SH3RF1: variants seen among roughly 807,000 people sequenced by gnomAD.
SH3RF1 encodes the protein SH3 domain containing ring finger 1.
A neutral mutation model predicts 74.0 loss-of-function variants in SH3RF1; 32 were observed. That is an observed-to-expected ratio of 0.43 (90% CI 0.33 to 0.58). The LOEUF (loss-of-function observed/expected upper bound fraction) is 0.58, where lower values mean the gene tolerates loss of function less well. SH3RF1 is among the 20% of genes least tolerant of loss of function. The probability of loss-of-function intolerance (pLI) is 0.05; values close to 1 mark genes in which losing one functional copy is unlikely to be tolerated. For missense variants in SH3RF1, 954 were observed against 1,130.9 expected, an observed-to-expected ratio of 0.84 and a Z score of 2.24; for synonymous variants, 396 against 439.6, an observed-to-expected ratio of 0.90 and a Z score of 1.24.
intron 2 of SH3RF1, among the ~76,000 whole-genome samples, chr4:169,157,854 C>T (rs1734084439): frequency 1.3e-5 from 2 of 151,896 alleles, no homozygotes; most frequent in Admixed American, 6.6e-5. Flanking sequence ...GATTTTAACG[C>T]TTCAGCCTCC....
At position 169,095,367 on chromosome 4, in the gene SH3RF1, T is replaced by A. The variant is rs933204517; in HGVS notation, c.*1152A>T. On this transcript the variant is annotated 3_prime_UTR_variant, in exon 12 of 12. Transcript: ENST00000284637. Reference sequence around the variant, plus strand: ...AGAGAACACTGTTTATTTTTACACCTCCTGAATTGGTCAATTCTGAGTACA... The same window carrying A: ...AGAGAACACTGTTTATTTTTACACCACCTGAATTGGTCAATTCTGAGTACA... 1 of 152,616 alleles carries A rather than the reference T, an allele frequency of 6.6e-6. No individual in the cohort carries two copies. The highest frequency in any genetic ancestry group is 2.4e-5 in the African/African-American group (1 of 41,440). The allele number at this position is 152,616 out of a possible 1,614,324, so 9.5% of individuals were successfully genotyped here. A position where few individuals can be genotyped will look rare whatever the true frequency, so the allele number is the denominator to read the frequency against.
In SH3RF1 at chr4:169,107,112, C is replaced by T. The variant is rs927071746; in HGVS notation, c.2233G>A (p.Glu745Lys). 3.1e-6 allele frequency: 5 copies of T among 1,613,850 alleles called. No individual in the cohort carries two copies. Among genetic ancestry groups the T allele is most frequent in the Middle Eastern group, 1.7e-4 (1 of 5,932 alleles). Reference sequence around the variant, plus strand: ...AGAGGAAGCTCTGCACTGCCCAGCTCCACTTCTAGGGTGGGCGATGCTGGA... The same window carrying T: ...AGAGGAAGCTCTGCACTGCCCAGCTTCACTTCTAGGGTGGGCGATGCTGGA... The part of the protein sequence containing the change: ...SPPASPTLEV[E>K]LGSAELPLQG... The change falls in exon 11 of 12, where the codon GAG becomes AAG. Residue 745 changes from glutamate (E) to lysine (K), a missense_variant. By Grantham distance (56) the Glu-to-Lys change is moderately conservative. Transcript: ENST00000284637.
chr4:169,208,374 G>A (rs1730296215), intron 2 of SH3RF1, among the ~76,000 whole-genome samples: 1 of 151,990 alleles, frequency 6.6e-6, no homozygotes. Context: ...TATGCCTAAA[G>A]AAAGTCTTGT....
At position 169,096,717 on chromosome 4, in the gene SH3RF1, G is replaced by T. The variant is rs769553593; in HGVS notation, c.2499-30C>A. On this transcript the variant is annotated intron_variant, in intron 11 of 11. Coordinates refer to ENST00000284637, the MANE Select transcript of SH3RF1 (RefSeq NM_020870.4). The stretch of plus-strand genomic sequence containing the variant: ...AAAAGAAAGAGATTTTGGTTAAGGC[G>T]ATTCAAAGCAGTGATTTTAAAAAAT... The T allele has an allele frequency of 1.1e-5, 17 of 1,583,842 alleles. No individual in the cohort carries two copies. In the South Asian group the frequency reaches 1.7e-4, roughly 16 times the overall value.
At chr4:169,108,689 G>A (rs1199811741) in intron 10 of SH3RF1, among the ~76,000 whole-genome samples, 2 of 152,226 alleles carry the variant, frequency 1.3e-5, no homozygotes, top group Non-Finnish European at 2.9e-5. Flanking sequence ...CTGATCTTAT[G>A]CGCTTTCGCT....
At chr4:169,229,971 G>A (rs1489743682) in intron 2 of SH3RF1, among the ~76,000 whole-genome samples, 2 of 123,610 alleles carry the variant, frequency 1.6e-5, no homozygotes, top group African/African-American at 6.3e-5. Context: ...TTTAGGAGGT[G>A]GAGACGGGTG....
intron 6 of SH3RF1, among the ~76,000 whole-genome samples, chr4:169,125,178 T>C (rs532790095): frequency 6.6e-6 from 1 of 152,312 alleles, no homozygotes; most frequent in South Asian, 2.1e-4. Context: ...GTTACATCAC[T>C]GAAGGAGCAT....
intron 2 of SH3RF1, among the ~76,000 whole-genome samples, chr4:169,175,424 C>T (rs1734404346): frequency 6.6e-6 from 1 of 150,680 alleles, no homozygotes; most frequent in Non-Finnish European, 1.5e-5. Flanking sequence ...ACATCCTACT[C>T]CTGCTACACT....
rs1485012599 is a variant in SH3RF1 at position 169,215,922 on chromosome 4, A to AC, written c.393+52897dup. On this transcript the variant is annotated intron_variant, in intron 2 of 11. Coordinates refer to ENST00000284637, the MANE Select transcript of SH3RF1 (RefSeq NM_020870.4). The stretch of plus-strand genomic sequence containing the variant: ...GAGCTCAAACAATCCTGCTGCCTCA[A>AC]CCCCCCAAGCGGCTGGGACCACTGG... Among the ~76,000 whole-genome samples the AC allele has an allele frequency of 2.0e-5, 3 of 151,536 alleles. No homozygotes were observed. In the East Asian group the frequency reaches 5.8e-4, roughly 29 times the overall value.
intron 11 of SH3RF1, among the ~76,000 whole-genome samples, chr4:169,102,430 A>G (rs1733055541): frequency 1.3e-5 from 2 of 151,976 alleles, no homozygotes; most frequent in Admixed American, 1.3e-4. Context: ...AGATGAGCTT[A>G]TAGGTATGTG....
intron 1 of SH3RF1, among the ~76,000 whole-genome samples, chr4:169,270,474 T>G (rs1251059393): frequency 6.6e-6 from 1 of 151,760 alleles, no homozygotes; most frequent in Non-Finnish European, 1.5e-5. Context: ...CGGGAAGTTT[T>G]CAAGGACTTA....
intron 3 of SH3RF1, 135 bp downstream of exon 3, chr4:169,156,269 A>G (rs750382070): frequency 1.0e-6 from 1 of 973,752 alleles, no homozygotes; most frequent in Non-Finnish European, 1.5e-6. Flanking sequence ...GCTTCTAGGC[A>G]TTTTCAGAAG....
chr4:169,183,708 A>G (rs1297466353), intron 2 of SH3RF1, among the ~76,000 whole-genome samples: 1 of 150,976 alleles, frequency 6.6e-6, no homozygotes, highest in Non-Finnish European at 1.5e-5. Flanking sequence ...TGGCTGTGCC[A>G]CCGCACTGCA....
At chr4:169,201,880 T>C (rs1278253406) in intron 2 of SH3RF1, 1 of 152,156 alleles carries the variant, frequency 6.6e-6, no homozygotes, top group Non-Finnish European at 1.5e-5. Flanking sequence ...TAGAGAAACC[T>C]AGTAGCACAG....
At chr4:169,142,450 C>G (rs1365789544) in intron 4 of SH3RF1, among the ~76,000 whole-genome samples, 1 of 152,114 alleles carries the variant, frequency 6.6e-6, no homozygotes, top group African/African-American at 2.4e-5. Flanking sequence ...AAGAAACCTA[C>G]ATTTTTTCCT....
chr4:169,171,282 C>T (rs137903926), intron 2 of SH3RF1, among the ~76,000 whole-genome samples: 7 of 152,288 alleles, frequency 4.6e-5, no homozygotes, highest in Non-Finnish European at 8.8e-5. Context: ...CACAGCAGCA[C>T]CAGAGTTGCT....
chr4:169,175,865 C>T (rs113151286), intron 2 of SH3RF1, among the ~76,000 whole-genome samples: 28 of 152,228 alleles, frequency 1.8e-4, no homozygotes, highest in African/African-American at 5.3e-4. Context: ...CTAACCAGTG[C>T]GAGAGTATTT....
At chr4:169,133,358 C>T (rs1485354387) in intron 5 of SH3RF1, among the ~76,000 whole-genome samples, 1 of 152,058 alleles carries the variant, frequency 6.6e-6, no homozygotes, top group Non-Finnish European at 1.5e-5. Context: ...ACCTGTAATC[C>T]CAGCTACTCA....
intron 2 of SH3RF1, among the ~76,000 whole-genome samples, chr4:169,200,111 C>G (rs1435643810): frequency 6.6e-6 from 1 of 152,042 alleles, no homozygotes; most frequent in African/African-American, 2.4e-5. Context: ...GGAAAGTATA[C>G]TAATTCCATA....
Sources: allele counts gnomAD v4.1 joint callset (sites outside exome capture counted in the v4.1 genomes callset), GRCh38; gene constraint gnomAD v4.1.1; transcripts MANE v1.5; gene names NCBI Gene and HGNC (gene_info 2026-07-23, HGNC 2026-07-21).